Variants in WTAP observed in about 807,000 individuals in gnomAD.
WTAP encodes WT1 associated protein, also known as pre-mRNA-splicing regulator WTAP.
WTAP carries 8 observed loss-of-function variants against 50.0 expected under a neutral mutation model. The observed-to-expected ratio is 0.16, with a 90% CI of 0.09 to 0.29. The LOEUF is 0.29. WTAP is among the 10% of genes least tolerant of loss of function. The pLI, the probability that WTAP is intolerant of heterozygous loss-of-function variation, is 1.00. For synonymous variants in WTAP, 194 were observed against 169.0 expected (o/e 1.15, Z -1.15); for missense variants, 295 against 470.7 (o/e 0.63, Z 3.45).
chr6:159,742,314 C>T (rs1052530676), intron 4 of WTAP, among the ~76,000 whole-genome samples, 168 bp downstream of exon 4: 1 of 152,154 alleles, frequency 6.6e-6, no homozygotes, highest in African/African-American at 2.4e-5. Context: ...ATGAATGAGA[C>T]ACAGTCTCAG....
chr6:159,738,742 A>C (rs1308132676), intron 2 of WTAP, among the ~76,000 whole-genome samples: 2 of 152,050 alleles, frequency 1.3e-5, no homozygotes, highest in Admixed American at 1.3e-4. Context: ...TATTTTAGCC[A>C]TTCTAATCAG....
intron 5 of WTAP, among the ~76,000 whole-genome samples, chr6:159,745,753 T>G (rs894573800): frequency 6.6e-6 from 1 of 152,142 alleles, no homozygotes; most frequent in Non-Finnish European, 1.5e-5. Flanking sequence ...GTATGAAAGA[T>G]AGATTTGAGA....
chr6:159,726,711 G>T (rs1778184890), upstream of WTAP: 1 of 1,235,972 alleles, frequency 8.1e-7, no homozygotes. Flanking sequence ...CGCGGACACA[G>T]CGCAACCTCC....
chr6:159,753,484 G>C lies in WTAP; in HGVS notation c.477G>C (p.Ala159=), dbSNP rs758355370. 3 of 1,614,190 alleles carry C rather than the reference G, an allele frequency of 1.9e-6. No homozygotes were observed. The highest frequency in any genetic ancestry group is 2.2e-5 in the South Asian group (2 of 91,078). The change falls in exon 7 of 8, where the codon GCG becomes GCC. Residue 159 remains alanine, a synonymous_variant. Coordinates refer to ENST00000621533, the MANE Select transcript of WTAP (RefSeq NM_001270531.2). ...PDSQTGKKLM[A]KCRMLIQENQ... is the part of the protein sequence containing the mutation. ...GCCAAACAGGGAAAAAGTTAATGGC[G>C]AAGTGTCGAATGCTTATCCAGGAGA... is the stretch of plus-strand genomic sequence containing the variant.
chr6:159,741,480 G>A (rs559077881), intron 3 of WTAP: 1 of 152,112 alleles, frequency 6.6e-6, no homozygotes, highest in South Asian at 2.1e-4. Flanking sequence ...GTTCTAAGTG[G>A]ACAACATATG....
chr6:159,739,086 ACATTATATTGTGACT>A, intron 3 of WTAP, 41 bp downstream of exon 3: 1 of 1,497,136 alleles, frequency 6.7e-7, no homozygotes, highest in Non-Finnish European at 9.3e-7. Context: ...TTTCTATAGA[ACATTATATTGTGACT>A]CTACACTGTA....
intron 1 of WTAP, among the ~76,000 whole-genome samples, chr6:159,735,316 T>A (rs1213484237): frequency 6.6e-6 from 1 of 152,170 alleles, no homozygotes; most frequent in African/African-American, 2.4e-5. Context: ...TTTTTTTAAT[T>A]TTTTGGTAGA....
At chr6:159,736,321 T>C (rs781228165) in intron 2 of WTAP, 26 bp downstream of exon 2, 1 of 1,589,688 alleles carries the variant, frequency 6.3e-7, no homozygotes, top group Non-Finnish European at 8.6e-7. Flanking sequence ...TTGGGTTTTT[T>C]TGTTTTGTTT....
At chr6:159,744,959 G>A (rs1779486909) in intron 5 of WTAP, among the ~76,000 whole-genome samples, 1 of 152,174 alleles carries the variant, frequency 6.6e-6, no homozygotes, top group Non-Finnish European at 1.5e-5. Context: ...GGGATTATAG[G>A]TGTGAGCCAT....
intron 1 of WTAP, among the ~76,000 whole-genome samples, chr6:159,731,581 A>T (rs1052537265): frequency 6.6e-6 from 1 of 152,254 alleles, no homozygotes; most frequent in Admixed American, 6.5e-5. Flanking sequence ...GGACAGTATG[A>T]TTATTATCCT....
In WTAP at chr6:159,736,238, T is replaced by C. The variant is rs983788210; in HGVS notation, c.-8-20T>C. The C allele has an allele frequency of 1.0e-5, 16 of 1,590,118 alleles. No individual in the cohort carries two copies. The highest frequency in any genetic ancestry group is 6.7e-5 in the African/African-American group (5 of 74,208). ...GGAAGAAAATAAATTGAACTTGTTTTCCGCAACTTTTTTTTTTAGGATTCA... is the reference window on the plus strand; with the variant it reads ...GGAAGAAAATAAATTGAACTTGTTTCCCGCAACTTTTTTTTTTAGGATTCA... On this transcript the variant is annotated intron_variant, in intron 1 of 7. Coordinates refer to ENST00000621533, the MANE Select transcript of WTAP (RefSeq NM_001270531.2).
At chr6:159,750,306 C>G (rs943819255) in intron 6 of WTAP, among the ~76,000 whole-genome samples, 1 of 152,122 alleles carries the variant, frequency 6.6e-6, no homozygotes, top group Non-Finnish European at 1.5e-5. Flanking sequence ...TCAAATTGAG[C>G]AGGCATCTTT....
At chr6:159,746,050 A>C (rs1353412448) in intron 5 of WTAP, among the ~76,000 whole-genome samples, 1 of 152,214 alleles carries the variant, frequency 6.6e-6, no homozygotes, top group Non-Finnish European at 1.5e-5. Flanking sequence ...GAAAACAGGA[A>C]ATCCAGCATT....
Position 159,743,805 on chromosome 6 carries a change from A to G in WTAP, c.273+13A>G. On this transcript the variant is annotated intron_variant, in intron 5 of 7. Coordinates refer to ENST00000621533, the MANE Select transcript of WTAP (RefSeq NM_001270531.2). Reference sequence around the variant, plus strand: ...GCAAGAGTGTACTGTAAGTATTTCAAGTTATATAAATGTCTTTAGTTGAGG... The same window carrying G: ...GCAAGAGTGTACTGTAAGTATTTCAGGTTATATAAATGTCTTTAGTTGAGG... The G allele has an allele frequency of 6.3e-7, 1 of 1,592,076 alleles. No homozygotes were observed. Among genetic ancestry groups the G allele is most frequent in the South Asian group, 1.2e-5 (1 of 86,424 alleles).
chr6:159,747,028 G>T (rs930865353), intron 5 of WTAP, among the ~76,000 whole-genome samples: 4 of 152,094 alleles, frequency 2.6e-5, no homozygotes, highest in Non-Finnish European at 5.9e-5. Flanking sequence ...CTATGCAGTT[G>T]TACTAGATTT....
At chr6:159,740,407 T>G (rs1779181750) in intron 3 of WTAP, among the ~76,000 whole-genome samples, 2 of 152,232 alleles carry the variant, frequency 1.3e-5, no homozygotes, top group Non-Finnish European at 2.9e-5. Context: ...GTTTTTTCTC[T>G]TTGATTCCCT....
Position 159,755,758 on chromosome 6 carries a change from TTC to T in WTAP, c.*149_*150del. On this transcript the variant is annotated 3_prime_UTR_variant, in exon 8 of 8. Transcript: ENST00000621533. ...GTTGTTTTTTTTCTTTGTTTTTTTT[TTC>T]TTTTCTTTTTTTTTTTTTTTTTTTT... 6.1e-6 allele frequency: 6 copies of T among 988,212 alleles called. No individual in the cohort carries two copies. Among genetic ancestry groups the T allele is most frequent in the South Asian group, 4.1e-5 (1 of 24,240 alleles). The allele number at this position is 988,212 out of a possible 1,614,324, so 61.2% of individuals were successfully genotyped here.
At chr6:159,741,954 A>C in intron 3 of WTAP, 134 bp from the exon 4 acceptor site, 1 of 699,174 alleles carries the variant, frequency 1.4e-6, no homozygotes, top group South Asian at 1.8e-5. Flanking sequence ...TCTGTCTAAA[A>C]AAAACTAGAT....
intron 1 of WTAP, among the ~76,000 whole-genome samples, chr6:159,735,256 A>T (rs1030228772): frequency 6.6e-6 from 1 of 152,134 alleles, no homozygotes. Flanking sequence ...TTCCTGCCTC[A>T]GTCTCCCTAG....
Sources: gnomAD v4.1 joint callset for allele counts (sites outside exome capture counted in the v4.1 genomes callset) on GRCh38, gnomAD v4.1.1 for gene constraint, MANE v1.5 for transcripts, NCBI Gene and HGNC (gene_info 2026-07-23, HGNC 2026-07-21) for gene names.